SNX10: variants seen among roughly 807,000 people sequenced by gnomAD.
The protein encoded by SNX10 is sorting nexin 10.
Under a neutral mutation model 28.5 loss-of-function variants are expected in SNX10, and 25 were observed. The ratio of observed to expected loss-of-function variants is 0.88; its 90% CI spans 0.64 to 1.22. SNX10 has a LOEUF of 1.22. SNX10 is among the 50% of genes most tolerant of loss of function. The pLI is 0.00. For missense variants in SNX10, 223 were observed against 242.6 expected, an observed-to-expected ratio of 0.92 and a Z score of 0.54; for synonymous variants, 62 against 81.4, an observed-to-expected ratio of 0.76 and a Z score of 1.28.
chr7:26,308,205 C>T (rs536479436), intron 1 of SNX10, among the ~76,000 whole-genome samples: 1 of 152,340 alleles, frequency 6.6e-6, no homozygotes, highest in East Asian at 1.9e-4. Context: ...TGCTGACTTT[C>T]TCCTGTTCTC....
intron 5 of SNX10, among the ~76,000 whole-genome samples, chr7:26,371,266 C>T (rs1006478159): frequency 2.6e-5 from 4 of 152,056 alleles, no homozygotes; most frequent in Non-Finnish European, 5.9e-5. Flanking sequence ...GAGAAATTTA[C>T]AGTTAACCTT....
chr7:26,363,130 A>T (rs1009188666), intron 3 of SNX10, among the ~76,000 whole-genome samples: 16 of 152,260 alleles, frequency 1.1e-4, no homozygotes, highest in African/African-American at 3.6e-4. Flanking sequence ...AGCACAGTAG[A>T]GTGAGGCCCT....
At chr7:26,323,608 C>T (rs1787390728) in intron 1 of SNX10, among the ~76,000 whole-genome samples, 3 of 152,064 alleles carry the variant, frequency 2.0e-5, no homozygotes, top group Non-Finnish European at 4.4e-5. Context: ...AAGGGATTTA[C>T]CGTTTATTTC....
At chr7:26,363,454 G>T (rs929414954) in intron 3 of SNX10, among the ~76,000 whole-genome samples, 2 of 152,152 alleles carry the variant, frequency 1.3e-5, no homozygotes, top group African/African-American at 4.8e-5. Flanking sequence ...TGGGGGTAAA[G>T]AATTGTTTCT....
At chr7:26,324,147 A>C (rs995742470) in intron 1 of SNX10, among the ~76,000 whole-genome samples, 1 of 152,184 alleles carries the variant, frequency 6.6e-6, no homozygotes, top group African/African-American at 2.4e-5. Flanking sequence ...ACATCCACTC[A>C]GTTGAATAAG....
At chr7:26,342,060 CTT>C (rs55994459) in intron 1 of SNX10, among the ~76,000 whole-genome samples, 24,743 of 125,070 alleles carry the variant, frequency 0.2, 2,483 homozygotes, top group South Asian at 0.44. Context: ...CAGTCTTGCT[CTT>C]GTTGCCCAGG....
rs1788392349 is a variant in SNX10, at chr7:26,346,474, A to G, written c.24+8A>G. 1.3e-6 allele frequency: 2 copies of G among 1,596,910 alleles called. No homozygotes were observed. The highest frequency in any genetic ancestry group is 1.3e-5 in the African/African-American group (1 of 74,548). On this transcript the variant is annotated splice_region_variant and intron_variant, in intron 2 of 6. Transcript: ENST00000338523. ...CCGGAACAACAGAAAGAGGTATGTCATCACAAATCCAAAAATAAATAACCC... is the reference window on the plus strand; with the variant it reads ...CCGGAACAACAGAAAGAGGTATGTCGTCACAAATCCAAAAATAAATAACCC...
chr7:26,343,662 G>A (rs572804816), intron 1 of SNX10, among the ~76,000 whole-genome samples: 1 of 152,314 alleles, frequency 6.6e-6, no homozygotes, highest in South Asian at 2.1e-4. Flanking sequence ...GTGAAAGTAT[G>A]AGGGTAGAGG....
chr7:26,361,689 C>T (rs192746271), intron 3 of SNX10, among the ~76,000 whole-genome samples: 1 of 152,332 alleles, frequency 6.6e-6, no homozygotes, highest in Admixed American at 6.5e-5. Context: ...TAAATATCTT[C>T]AGTTTGTGGG....
intron 1 of SNX10, among the ~76,000 whole-genome samples, chr7:26,326,213 C>A (rs1787499541): frequency 6.6e-6 from 1 of 151,988 alleles, no homozygotes; most frequent in Admixed American, 6.6e-5. Flanking sequence ...GTTTTTCTAC[C>A]TACAAAAAGG....
At chr7:26,342,028 CTTT>C (rs35337348) in intron 1 of SNX10, among the ~76,000 whole-genome samples, 10 of 111,618 alleles carry the variant, frequency 9.0e-5, no homozygotes, top group Non-Finnish European at 1.1e-4. Context: ...TTTCTTCTTT[CTTT>C]TTTTTTTTTT....
At chr7:26,358,806 T>TTTTTTTTTTTTTTTGGTTTTG (rs1554360959) in intron 2 of SNX10, among the ~76,000 whole-genome samples, 1 of 52,608 alleles carries the variant, frequency 1.9e-5, no homozygotes, top group Non-Finnish European at 4.7e-5. Context: ...TTATCTTGTG[T>TTTTTTTTTTTTTTTGGTTTTG]TTTTTTTTTT....
In SNX10 at chr7:26,364,489, A is replaced by G; in HGVS notation, c.112-46A>G. 6.4e-7 allele frequency: 1 copy of G among 1,560,024 alleles called. No individual in the cohort carries two copies. ...TGTGAATTATAGATACAAGAAATGC[A>G]TTTTTTTCCTCAGGTAAGACTCATT... is the stretch of plus-strand genomic sequence containing the variant. On this transcript the variant is annotated intron_variant, in intron 3 of 6. Coordinates refer to ENST00000338523, the MANE Select transcript of SNX10 (RefSeq NM_013322.3). This position sits in a 1 kb window ranked among gnomAD's most constrained non-coding sequence, Gnocchi z 4.9.
At chr7:26,311,647 T>C (rs1296768478) in intron 1 of SNX10, among the ~76,000 whole-genome samples, 1 of 152,012 alleles carries the variant, frequency 6.6e-6, no homozygotes, top group Non-Finnish European at 1.5e-5. Context: ...TTTACATCTC[T>C]TACTTTTCAA....
chr7:26,333,618 C>T (rs1361180813), intron 1 of SNX10, among the ~76,000 whole-genome samples: 1 of 152,138 alleles, frequency 6.6e-6, no homozygotes, highest in Admixed American at 6.5e-5. Context: ...GCCACCGCAC[C>T]CGACTATTTT....
At position 26,301,366 on chromosome 7, in the gene SNX10, T is replaced by A. The variant is rs1176994119; in HGVS notation, c.-24+9280T>A. ...ATGTGGTCCGAATCCCTTAGGAAGA[T>A]AGGAAAGGGAAGTCTTGAGCTCCTT... On this transcript the variant is annotated intron_variant, in intron 1 of 6. Coordinates refer to ENST00000338523, the MANE Select transcript of SNX10 (RefSeq NM_013322.3). 3.3e-5 allele frequency among the ~76,000 whole-genome samples: 5 copies of A among 152,204 alleles called. No individual in the cohort carries two copies. In the East Asian group the frequency reaches 9.6e-4, roughly 29 times the overall value.
chr7:26,362,101 T>C (rs777906693), intron 3 of SNX10, among the ~76,000 whole-genome samples: 6 of 152,242 alleles, frequency 3.9e-5, no homozygotes, highest in African/African-American at 7.2e-5. Flanking sequence ...TTCTCTTTTT[T>C]CTTTGAAGTT....
chr7:26,360,654 C>G, intron 2 of SNX10: 1 of 273,664 alleles, frequency 3.7e-6, no homozygotes, highest in Non-Finnish European at 6.4e-6. Context: ...TGAAAAAAAC[C>G]TGAACCAATT....
intron 1 of SNX10, among the ~76,000 whole-genome samples, chr7:26,338,110 CTTTTTTT>C (rs55920968): frequency 7.7e-6 from 1 of 129,264 alleles, no homozygotes; most frequent in African/African-American, 3.0e-5. Context: ...TTCCTTTGTC[CTTTTTTT>C]TTTTTTTTTT....
Sources: gnomAD v4.1 joint callset for allele counts (sites outside exome capture counted in the v4.1 genomes callset) on GRCh38, gnomAD v4.1.1 for gene constraint, Gnocchi (gnomAD v3.1) non-coding constraint, MANE v1.5 for transcripts, NCBI Gene and HGNC (gene_info 2026-07-23, HGNC 2026-07-21) for gene names.